Variants in MAGI2 observed in about 807,000 individuals in gnomAD.
The protein encoded by MAGI2 is membrane-associated guanylate kinase, WW and PDZ domain-containing protein 2.
MAGI2 carries 35 observed loss-of-function variants against 133.3 expected under a neutral mutation model. The observed-to-expected ratio is 0.26, with a 90% confidence interval of 0.20 to 0.35. The LOEUF is 0.35. Among genes scored for constraint, MAGI2 ranks in the 10% least tolerant of loss-of-function variants. The pLI is 1.00. For synonymous variants in MAGI2, 729 were observed against 710.6 expected (o/e 1.03, Z -0.41); for missense variants, 1,636 against 1,863.4 (o/e 0.88, Z 2.25).
intron 7 of MAGI2, among the ~76,000 whole-genome samples, chr7:78,349,623 T>C (rs1369123384): frequency 6.6e-6 from 1 of 152,138 alleles, no homozygotes; most frequent in African/African-American, 2.4e-5. Flanking sequence ...AGAATACCAA[T>C]GAGCTAGTTT....
chr7:78,643,856 A>G (rs182825105), intron 2 of MAGI2, among the ~76,000 whole-genome samples: 7 of 152,152 alleles, frequency 4.6e-5, no homozygotes, highest in African/African-American at 1.4e-4. Context: ...GCCTACAGCA[A>G]CATCTACACA....
intron 2 of MAGI2, among the ~76,000 whole-genome samples, chr7:78,646,950 G>T (rs961113893): frequency 6.6e-6 from 1 of 152,086 alleles, no homozygotes; most frequent in African/African-American, 2.4e-5. Flanking sequence ...AGACACAATT[G>T]AGATACAGGC....
At chr7:79,219,362 C>T (rs1016567615) in intron 1 of MAGI2, among the ~76,000 whole-genome samples, 8 of 151,940 alleles carry the variant, frequency 5.3e-5, no homozygotes, top group East Asian at 1.9e-4. Flanking sequence ...TTTTATAGAA[C>T]AGCTACTGGC....
chr7:78,323,759 A>C (rs1267871488), intron 9 of MAGI2, among the ~76,000 whole-genome samples: 4 of 152,330 alleles, frequency 2.6e-5, no homozygotes, highest in East Asian at 1.9e-4. Context: ...CATAAAAATT[A>C]TTGCATAGTT....
intron 1 of MAGI2, among the ~76,000 whole-genome samples, chr7:79,032,476 C>T (rs200335698): frequency 1.4e-5 from 2 of 147,568 alleles, no homozygotes; most frequent in East Asian, 2.0e-4. Flanking sequence ...CAAGATTGCA[C>T]CATTGCACTC....
chr7:78,955,770 T>G (rs1584495429), intron 2 of MAGI2, among the ~76,000 whole-genome samples: 1 of 27,482 alleles, frequency 3.6e-5, no homozygotes, highest in African/African-American at 9.0e-5. Context: ...TCTTTCTTTC[T>G]TTCTTTCTTT....
intron 1 of MAGI2, among the ~76,000 whole-genome samples, chr7:79,342,483 G>C (rs1840975039): frequency 6.6e-6 from 1 of 152,156 alleles, no homozygotes; most frequent in African/African-American, 2.4e-5. Flanking sequence ...TGTCAAGATA[G>C]TTTTTCTCTG....
intron 20 of MAGI2, among the ~76,000 whole-genome samples, chr7:78,104,978 T>A (rs943503078): frequency 1.7e-5 from 1 of 59,236 alleles, no homozygotes; most frequent in African/African-American, 5.5e-5. Context: ...ATGTGTCTCC[T>A]CCCTCCCACC....
intron 6 of MAGI2, among the ~76,000 whole-genome samples, chr7:78,389,895 T>C (rs943598932): frequency 6.6e-6 from 1 of 152,238 alleles, no homozygotes; most frequent in Non-Finnish European, 1.5e-5. Context: ...TTTAGTTACA[T>C]TGCTTTTGGA....
intron 6 of MAGI2, among the ~76,000 whole-genome samples, chr7:78,422,980 T>A (rs1487977803): frequency 1.3e-5 from 2 of 152,234 alleles, no homozygotes; most frequent in East Asian, 3.9e-4. Flanking sequence ...AACAAAGATA[T>A]AAACAATTAG....
At chr7:78,859,140 CG>C (rs1793931955) in intron 2 of MAGI2, among the ~76,000 whole-genome samples, 1 of 151,970 alleles carries the variant, frequency 6.6e-6, no homozygotes, top group Admixed American at 6.6e-5. Flanking sequence ...TGTCTCTGCA[CG>C]TGAGATGGGT....
intron 2 of MAGI2, among the ~76,000 whole-genome samples, chr7:78,688,688 T>C (rs1816640438): frequency 6.6e-6 from 1 of 152,202 alleles, no homozygotes; most frequent in Non-Finnish European, 1.5e-5. Flanking sequence ...CAATAAGCAC[T>C]GGCTCCTTTG....
At chr7:78,648,078 T>G (rs945821623) in intron 2 of MAGI2, among the ~76,000 whole-genome samples, 1 of 152,146 alleles carries the variant, frequency 6.6e-6, no homozygotes, top group African/African-American at 2.4e-5. Flanking sequence ...CAAACCAACA[T>G]GGCACATGTA....
At chr7:79,077,608 T>A (rs2041485) in intron 1 of MAGI2, among the ~76,000 whole-genome samples, 8,927 of 107,550 alleles carry the variant, frequency 0.083, 1,888 homozygotes, top group African/African-American at 0.11. Flanking sequence ...AATAAATAAA[T>A]AAATTCCCTT....
intron 1 of MAGI2, among the ~76,000 whole-genome samples, chr7:79,359,867 A>C (rs1842273749): frequency 6.6e-6 from 1 of 152,156 alleles, no homozygotes; most frequent in Non-Finnish European, 1.5e-5. Flanking sequence ...TTAGAAAAAA[A>C]AGAAAAGTGC....
intron 4 of MAGI2, among the ~76,000 whole-genome samples, chr7:78,517,833 G>A (rs536668427): frequency 2.0e-5 from 3 of 152,178 alleles, no homozygotes; most frequent in African/African-American, 7.2e-5. Flanking sequence ...AGAACACTCA[G>A]TAAAATAAAT....
chr7:78,511,546 T>C, intron 4 of MAGI2, among the ~76,000 whole-genome samples: 1 of 113,392 alleles, frequency 8.8e-6, no homozygotes, highest in East Asian at 2.3e-4. Context: ...TATATATATA[T>C]ATAAATTTTT....
At chr7:78,607,279 G>C (rs1805918202) in intron 3 of MAGI2, among the ~76,000 whole-genome samples, 1 of 152,050 alleles carries the variant, frequency 6.6e-6, no homozygotes. Context: ...CAGATAATCA[G>C]ATAACTCTTG....
At chr7:79,011,053 T>C (rs1208961990) in intron 1 of MAGI2, 1 of 152,124 alleles carries the variant, frequency 6.6e-6, no homozygotes, top group Non-Finnish European at 1.5e-5. Flanking sequence ...CAGTTCAAAC[T>C]CTTCCTATTG....
Sources: gnomAD v4.1 joint callset for allele counts (sites outside exome capture counted in the v4.1 genomes callset) on GRCh38, gnomAD v4.1.1 for gene constraint, MANE v1.5 for transcripts, NCBI Gene and HGNC (gene_info 2026-07-23, HGNC 2026-07-21) for gene names.